Variants in CAPN8 observed in about 807,000 individuals in gnomAD.
The protein encoded by CAPN8 is calpain 8.
In CAPN8, 87 loss-of-function variants were observed where a neutral mutation model predicts 80.9. The observed-to-expected ratio is 1.07, with a 90% CI of 0.90 to 1.28. CAPN8 has a LOEUF of 1.28. Among genes scored for constraint, CAPN8 ranks in the 50% most tolerant of loss-of-function variants. The pLI, the probability that CAPN8 is intolerant of heterozygous loss-of-function variation, is 0.00. For missense variants in CAPN8, 757 were observed against 702.0 expected (o/e 1.08, Z -0.89); for synonymous variants, 299 against 273.8 (o/e 1.09, Z -0.91).
intron 13 of CAPN8, among the ~76,000 whole-genome samples, chr1:223,555,820 T>C (rs1656894254): frequency 6.6e-6 from 1 of 152,240 alleles, no homozygotes; most frequent in Non-Finnish European, 1.5e-5. Context: ...TGGTTGCAAC[T>C]GTGGTACTTC....
intron 9 of CAPN8, chr1:223,618,140 C>A: frequency 1.5e-6 from 2 of 1,319,308 alleles, no homozygotes; most frequent in East Asian, 2.5e-5. Context: ...CAACAGCAAA[C>A]CAGGCAGGGA....
intron 9 of CAPN8, 146 bp from the exon 10 acceptor site, chr1:223,616,291 T>G: frequency 1.1e-6 from 1 of 909,896 alleles, no homozygotes. Flanking sequence ...CAGAAAGTGT[T>G]CTTTACAAGG....
intron 16 of CAPN8, among the ~76,000 whole-genome samples, chr1:223,547,479 C>T (rs1288128753): frequency 6.6e-6 from 1 of 152,028 alleles, no homozygotes; most frequent in Non-Finnish European, 1.5e-5. Flanking sequence ...AAATGGAGAG[C>T]GACTGGTAAT....
chr1:223,627,921 T>C, intron 4 of CAPN8, 88 bp downstream of exon 4: 2 of 1,408,326 alleles, frequency 1.4e-6, no homozygotes, highest in African/African-American at 2.9e-5. Context: ...CGCCCTGAGT[T>C]TGGGGTGGGG....
At chr1:223,613,991 T>C (rs940853493) in intron 10 of CAPN8, among the ~76,000 whole-genome samples, 3 of 152,248 alleles carry the variant, frequency 2.0e-5, no homozygotes, top group African/African-American at 7.2e-5. Context: ...TAAGCAGCTA[T>C]AATTTGATGA....
chr1:223,638,022 GC>G (rs1657949874), intron 2 of CAPN8, among the ~76,000 whole-genome samples: 1 of 152,110 alleles, frequency 6.6e-6, no homozygotes, highest in African/African-American at 2.4e-5. Flanking sequence ...TCTCCAGTTG[GC>G]CTTCTGTATC....
At chr1:223,642,852 T>TAAG (rs1347848165) in intron 2 of CAPN8, 2 of 455,982 alleles carry the variant, frequency 4.4e-6, no homozygotes, top group Non-Finnish European at 8.8e-6. Context: ...GTGGAAGGAA[T>TAAG]AAGACTCAAT....
intron 1 of CAPN8, among the ~76,000 whole-genome samples, chr1:223,661,125 C>G (rs903791532): frequency 1.3e-5 from 2 of 150,940 alleles, no homozygotes; most frequent in Non-Finnish European, 2.9e-5. Context: ...AAGATTGAAC[C>G]ACTGCAGTCC....
In CAPN8 at chr1:223,628,098, C is replaced by A; in HGVS notation, c.471G>T (p.Arg157Ser). Residue 157 changes from arginine to serine, a missense_variant, in exon 4 of 21, where the codon AGG (arginine) becomes AGT (serine). Arg to Ser is a moderately radical substitution (Grantham distance 110). Coordinates refer to ENST00000366872, the MANE Select transcript of CAPN8 (RefSeq NM_001143962.2). ...GEWVEVVIDD[R>S]LPTKNGQLLF... ...GCAGCTGTCCATTCTTGGTGGGCAG[C>A]CTGTCGTCAATGACCACCTCCACCC... 1 of 1,551,208 alleles carries A rather than the reference C, an allele frequency of 6.4e-7. No individual in the cohort carries two copies. The highest frequency in any genetic ancestry group is 8.7e-7 in the Non-Finnish European group (1 of 1,146,824).
rs1264567113 is a variant in CAPN8, at chr1:223,542,368, T to C, written c.2089-509A>G. Among the ~76,000 whole-genome samples the C allele has an allele frequency of 2.0e-5, 3 of 152,190 alleles. No individual in the cohort carries two copies. In the East Asian group the frequency reaches 5.8e-4, roughly 29 times the overall value. On this transcript the variant is annotated intron_variant, in intron 20 of 20. Transcript: ENST00000366872. Reference sequence around the variant, plus strand: ...CTCCATTTTAGGTTCCACACTATTGTCCAGGTATCTGTGGGAATCCACAGG... The same window carrying C: ...CTCCATTTTAGGTTCCACACTATTGCCCAGGTATCTGTGGGAATCCACAGG...
chr1:223,546,033 T>C (rs895016446), intron 16 of CAPN8, among the ~76,000 whole-genome samples: 1 of 148,442 alleles, frequency 6.7e-6, no homozygotes, highest in African/African-American at 2.5e-5. Context: ...GGTTTCACCA[T>C]GTTGGCCAGT....
intron 7 of CAPN8, 103 bp from the exon 8 acceptor site, chr1:223,620,369 A>G: frequency 1.0e-6 from 1 of 969,576 alleles, no homozygotes; most frequent in Non-Finnish European, 1.6e-6. Context: ...GAAACAAAAT[A>G]CCAAAAGCAC....
At chr1:223,544,395 T>A (rs1656560935) in intron 18 of CAPN8, 1 of 589,016 alleles carries the variant, frequency 1.7e-6, no homozygotes, top group African/African-American at 1.9e-5. Flanking sequence ...ATCAGCCTAA[T>A]TCCAGGTCCA....
In CAPN8 at chr1:223,661,225, A is replaced by G. The variant is rs145245813; in HGVS notation, c.237+4185T>C. Reference sequence around the variant, plus strand: ...TATGTTTCTCCAAAGATGATCTACAAATGGTCAATAAGCACATGAAAAGAT... The same window carrying G: ...TATGTTTCTCCAAAGATGATCTACAGATGGTCAATAAGCACATGAAAAGAT... On this transcript the variant is annotated intron_variant, in intron 1 of 20. Transcript: ENST00000366872. 2.8e-3 allele frequency among the ~76,000 whole-genome samples: 419 copies of G among 152,308 alleles called. 1 individual carries two copies. Among genetic ancestry groups the G allele is most frequent in the Non-Finnish European group, 4.3e-3 (294 of 68,030 alleles).
intron 2 of CAPN8, 103 bp downstream of exon 2, chr1:223,654,227 C>T: frequency 2.0e-6 from 2 of 983,250 alleles, no homozygotes; most frequent in Non-Finnish European, 3.1e-6. Flanking sequence ...CATCAGGTAC[C>T]TAATTCACTC....
intron 11 of CAPN8, among the ~76,000 whole-genome samples, chr1:223,609,914 C>G (rs1050197744): frequency 6.6e-6 from 1 of 152,210 alleles, no homozygotes; most frequent in African/African-American, 2.4e-5. Flanking sequence ...GAGGGGGCGG[C>G]CACAGCTAGG....
At chr1:223,647,129 G>T (rs1658213331) in intron 2 of CAPN8, among the ~76,000 whole-genome samples, 1 of 152,180 alleles carries the variant, frequency 6.6e-6, no homozygotes, top group Non-Finnish European at 1.5e-5. Flanking sequence ...AGGTGACACT[G>T]GAGAACACTG....
intron 2 of CAPN8, among the ~76,000 whole-genome samples, chr1:223,632,497 C>G (rs915728168): frequency 6.6e-6 from 1 of 152,080 alleles, no homozygotes; most frequent in Non-Finnish European, 1.5e-5. Context: ...CTCAGCCTCC[C>G]AAATTGCTGG....
At chr1:223,651,772 T>C (rs1658348488) in intron 2 of CAPN8, among the ~76,000 whole-genome samples, 1 of 152,222 alleles carries the variant, frequency 6.6e-6, no homozygotes, top group Admixed American at 6.5e-5. Context: ...ACGAAGTTCT[T>C]TATAGACTGT....
Sources: allele counts gnomAD v4.1 joint callset (sites outside exome capture counted in the v4.1 genomes callset), GRCh38; gene constraint gnomAD v4.1.1; transcripts MANE v1.5; gene names NCBI Gene and HGNC (gene_info 2026-07-23, HGNC 2026-07-21).